SPTB: variants seen among roughly 807,000 people sequenced by gnomAD.
SPTB encodes the protein spectrin beta chain, erythrocytic.
A neutral mutation model predicts 256.2 loss-of-function variants in SPTB; 45 were observed. The ratio of observed to expected loss-of-function variants is 0.18; its 90% confidence interval spans 0.14 to 0.23. SPTB has a LOEUF of 0.23. Among genes scored for constraint, SPTB ranks in the 10% least tolerant of loss-of-function variants. The pLI, the probability that SPTB is intolerant of heterozygous loss-of-function variation, is 1.00. For missense variants in SPTB, 2,715 were observed against 3,040.4 expected, an observed-to-expected ratio of 0.89 and a Z score of 2.52; for synonymous variants, 1,231 against 1,243.1, an observed-to-expected ratio of 0.99 and a Z score of 0.21.
chr14:64,823,221 G>T lies in SPTB; in HGVS notation c.-51-76C>A. ...TTTTCTCCGGGGAAACTTATTCGGA[G>T]CATCCAACGTGAGTAGATCCTGACA... On this transcript the variant is annotated intron_variant, in intron 1 of 35. Transcript: ENST00000644917. This position sits in a 1 kb window ranked among gnomAD's most constrained non-coding sequence, Gnocchi z 6.5. 1 of 1,127,840 alleles carries T rather than the reference G, an allele frequency of 8.9e-7. No homozygotes were observed. The highest frequency in any genetic ancestry group is 1.3e-6 in the Non-Finnish European group (1 of 760,592). The allele number at this position is 1,127,840 out of a possible 1,614,324, so 69.9% of individuals were successfully genotyped here.
chr14:64,858,872 C>G (rs1449451957), intron 1 of SPTB, among the ~76,000 whole-genome samples: 1 of 152,102 alleles, frequency 6.6e-6, no homozygotes, highest in Non-Finnish European at 1.5e-5. Flanking sequence ...ACAGACTATG[C>G]ACCTCTAGCA....
rs2082551110 is a variant in SPTB, at chr14:64,785,650, A to G, written c.3765-23T>C. The G allele has an allele frequency of 6.2e-7, 1 of 1,613,832 alleles. No individual in the cohort carries two copies. Among genetic ancestry groups the G allele is most frequent in the Non-Finnish European group, 8.5e-7 (1 of 1,179,734 alleles). On this transcript the variant is annotated intron_variant, in intron 17 of 35. Transcript: ENST00000644917. This position sits in a 1 kb window ranked among gnomAD's most constrained non-coding sequence, Gnocchi z 4.4. ...TGCCTGGAAAGGAAGCCAAAAGCAC[A>G]GTCACAATAGTGCCGAGCTTGGGGT...
intron 24 of SPTB, among the ~76,000 whole-genome samples, chr14:64,773,975 C>A: frequency 6.6e-6 from 1 of 152,208 alleles, no homozygotes; most frequent in East Asian, 1.9e-4. Flanking sequence ...CACAAAACCT[C>A]GCAGCCCATG....
Position 64,752,207 on chromosome 14 carries a change from T to C in SPTB, c.6602+1330A>G, listed in dbSNP as rs774358911. The C allele has an allele frequency of 4.7e-5, 63 of 1,348,328 alleles. No individual in the cohort carries two copies. In the South Asian group the frequency reaches 6.8e-4, roughly 15 times the overall value. The allele number at this position is 1,348,328 out of a possible 1,614,324, so 83.5% of individuals were successfully genotyped here. On this transcript the variant is annotated intron_variant, in intron 33 of 35. Coordinates refer to ENST00000644917, the MANE Select transcript of SPTB (RefSeq NM_001355436.2). ...GGTGGGCTAGCCCGAGCCGCTTCAC[T>C]CACACGTGGGAAGCATGTTGCTGCA...
In SPTB at chr14:64,799,769, G is replaced by A. The variant is rs139871838; in HGVS notation, c.1042C>T (p.Arg348Cys). 1.7e-5 allele frequency: 28 copies of A among 1,614,062 alleles called. No homozygotes were observed. Among genetic ancestry groups the A allele is most frequent in the African/African-American group, 8.0e-5 (6 of 74,928 alleles). The change falls in exon 9 of 36, where the codon CGC (arginine) becomes TGC (cysteine). Residue 348 changes from arginine (R) to cysteine (C), a missense_variant. Arg to Cys is a radical substitution (Grantham distance 180, BLOSUM62 -3). Coordinates refer to ENST00000644917, the MANE Select transcript of SPTB (RefSeq NM_001355436.2). ...QQQLQAFSTY[R>C]TVEKPPKFQE... ...TACTTGGGCGGCTTCTCCACGGTGC[G>A]GTAGGTGCTGAAGGCCTGCAGCTGC...
rs552724363 is a variant in SPTB, at chr14:64,794,477, G to A, written c.1785C>T (p.Thr595=). 18 of 1,614,164 alleles carry A rather than the reference G, an allele frequency of 1.1e-5. No homozygotes were observed. The highest frequency in any genetic ancestry group is 3.3e-5 in the South Asian group (3 of 91,076). ...KAITAATLKF[T]EGKGYQPCDP... ...CAGACTTGGTCTCACCTTTCCCCTC[G>A]GTGAACTTCAGGGTGGCTGCGGTGA... is the stretch of plus-strand genomic sequence containing the variant. The change falls in exon 13 of 36, where the codon ACC becomes ACT. Residue 595 remains threonine, a synonymous_variant. Transcript: ENST00000644917.
chr14:64,796,460 A>C lies in SPTB; in HGVS notation c.1341+97T>G, dbSNP rs2082770685. 4 of 1,530,488 alleles carry C rather than the reference A, an allele frequency of 2.6e-6. No homozygotes were observed. In the African/African-American group the frequency reaches 5.5e-5, roughly 21 times the overall value. The allele number at this position is 1,530,488 out of a possible 1,614,324, so 94.8% of individuals were successfully genotyped here. A position where few individuals can be genotyped will look rare whatever the true frequency, so the allele number is the denominator to read the frequency against. The stretch of plus-strand genomic sequence containing the variant: ...GAGCTGTGCTGCAAGGCACGAGGAG[A>C]GGCTGTGAGAAGCCAGCTTGGACTC... On this transcript the variant is annotated intron_variant, in intron 11 of 35. Transcript: ENST00000644917. The surrounding 1 kb of genome is among the most constrained non-coding windows in gnomAD (Gnocchi z 4.1).
At chr14:64,818,550 C>A (rs753745791) in intron 2 of SPTB, among the ~76,000 whole-genome samples, 1 of 152,188 alleles carries the variant, frequency 6.6e-6, no homozygotes, top group Non-Finnish European at 1.5e-5. Flanking sequence ...TCACTGGAGT[C>A]ACTGGAGTCT....
intron 30 of SPTB, 109 bp downstream of exon 30, chr14:64,767,554 C>G (rs2082205818): frequency 1.9e-5 from 28 of 1,480,778 alleles, no homozygotes; most frequent in South Asian, 1.1e-4. Context: ...GCTGGCCAAG[C>G]CTGTCACACC....
intron 33 of SPTB, among the ~76,000 whole-genome samples, chr14:64,751,242 C>T (rs1313134570): frequency 6.6e-6 from 1 of 151,494 alleles, no homozygotes; most frequent in East Asian, 1.9e-4. Flanking sequence ...GCCTCAGCCT[C>T]CCGAGTAGCT....
intron 32 of SPTB, chr14:64,755,755 C>T (rs775240213): frequency 6.6e-6 from 1 of 151,624 alleles, no homozygotes; most frequent in Admixed American, 6.6e-5. Context: ...AAGGAACACC[C>T]CAAGACACCC....
In SPTB at chr14:64,769,596, T is replaced by C; in HGVS notation, c.5931A>G (p.Ser1977=). Residue 1977 remains serine (S), a synonymous_variant, in exon 28 of 36, where the codon TCA becomes TCG. Coordinates refer to ENST00000644917, the MANE Select transcript of SPTB (RefSeq NM_001355436.2). ...ATCCTTGCAGTCCCCTCACCTCCTC[T>C]GAGGCCTGGTGCTGCCGCTGCAGCA... The part of the protein sequence containing the change: ...ESLLQRQHQA[S]EEIREKLQQV... 6.2e-7 allele frequency: 1 copy of C among 1,613,958 alleles called. No individual in the cohort carries two copies. The highest frequency in any genetic ancestry group is 8.5e-7 in the Non-Finnish European group (1 of 1,180,030).
Position 64,769,177 on chromosome 14 carries a change from G to C in SPTB, c.5938-59C>G, listed in dbSNP as rs1267372463. The C allele has an allele frequency of 2.8e-6, 4 of 1,453,262 alleles. No homozygotes were observed. In the East Asian group the frequency reaches 9.1e-5, roughly 33 times the overall value. The allele number at this position is 1,453,262 out of a possible 1,614,324, so 90.0% of individuals were successfully genotyped here. On this transcript the variant is annotated intron_variant, in intron 28 of 35. Coordinates refer to ENST00000644917, the MANE Select transcript of SPTB (RefSeq NM_001355436.2). ...GGCTCACCCTTCACCATCTGAGGCA[G>C]TGCGCAGATGGGTCCTGCAAAGAAT... is the stretch of plus-strand genomic sequence containing the variant.
chr14:64,790,740 G>C lies in SPTB; in HGVS notation c.2804+979C>G, dbSNP rs2139582989. Among the ~76,000 whole-genome samples the C allele has an allele frequency of 6.6e-6, 1 of 152,348 alleles. No homozygotes were observed. The highest frequency in any genetic ancestry group is 2.1e-4 in the South Asian group (1 of 4,834). On this transcript the variant is annotated intron_variant, in intron 15 of 35. Transcript: ENST00000644917. The surrounding 1 kb of genome is among the most constrained non-coding windows in gnomAD (Gnocchi z 4.8). Reference sequence around the variant, plus strand: ...GTGGGGAAGGGGCTGGGGTAATGGGGAGGTGGTGAACATGTGGCATTGCAT... The same window carrying C: ...GTGGGGAAGGGGCTGGGGTAATGGGCAGGTGGTGAACATGTGGCATTGCAT...
intron 33 of SPTB, chr14:64,752,310 C>G: frequency 7.9e-7 from 1 of 1,272,126 alleles, no homozygotes; most frequent in South Asian, 1.2e-5. Context: ...TCCCTCTTCT[C>G]CCTTACTTTT....
rs2083524119 is a variant in SPTB, at chr14:64,836,483, G to A, written c.-51-13338C>T. Among the ~76,000 whole-genome samples, 3 of 152,064 alleles carry A rather than the reference G, an allele frequency of 2.0e-5. No individual in the cohort carries two copies. In the South Asian group the frequency reaches 6.2e-4, roughly 32 times the overall value. On this transcript the variant is annotated intron_variant, in intron 1 of 35. Transcript: ENST00000644917. The stretch of plus-strand genomic sequence containing the variant: ...CTCTCGGTACTGAGTTTGTGGGTCT[G>A]CTCAATACGCTGTCAAGGCAAAACA...
intron 2 of SPTB, among the ~76,000 whole-genome samples, chr14:64,810,633 TC>T (rs2083071260): frequency 6.6e-6 from 1 of 151,760 alleles, no homozygotes; most frequent in Non-Finnish European, 1.5e-5. Flanking sequence ...TGAGCCGAGA[TC>T]CCACCACTGT....
At chr14:64,808,147 G>C (rs1242731454) in intron 2 of SPTB, among the ~76,000 whole-genome samples, 1 of 152,158 alleles carries the variant, frequency 6.6e-6, no homozygotes. Flanking sequence ...TGAGTAGCTG[G>C]GACTACAGGT....
Position 64,853,070 on chromosome 14 carries a change from GA to G in SPTB, c.-52+26721del, listed in dbSNP as rs1381654344. On this transcript the variant is annotated intron_variant, in intron 1 of 35. Coordinates refer to ENST00000644917, the MANE Select transcript of SPTB (RefSeq NM_001355436.2). This position sits in a 1 kb window ranked among gnomAD's most constrained non-coding sequence, Gnocchi z 4.3. ...ATGGATACCTATGGGACAAATAAGAGACAGGCAATGGGACAAATAAGAGACA... is the reference window on the plus strand; with the variant it reads ...ATGGATACCTATGGGACAAATAAGAGCAGGCAATGGGACAAATAAGAGACA... Among the ~76,000 whole-genome samples the G allele has an allele frequency of 6.6e-6, 1 of 151,498 alleles. No individual in the cohort carries two copies. Among genetic ancestry groups the G allele is most frequent in the African/African-American group, 2.4e-5 (1 of 40,826 alleles).
Sources: allele counts gnomAD v4.1 joint callset (sites outside exome capture counted in the v4.1 genomes callset), GRCh38; gene constraint gnomAD v4.1.1; non-coding constraint Gnocchi (gnomAD v3.1); transcripts MANE v1.5; gene names NCBI Gene and HGNC (gene_info 2026-07-23, HGNC 2026-07-21).